The following CLSTN2 variants were observed in gnomAD, a reference collection of about 807,000 sequenced individuals.
The protein encoded by CLSTN2 is calsyntenin-2.
In CLSTN2, 48 loss-of-function variants were observed where a neutral mutation model predicts 101.2. The ratio of observed to expected loss-of-function variants is 0.47; its 90% CI spans 0.38 to 0.60. CLSTN2 has a LOEUF of 0.60. CLSTN2 is among the 20% of genes least tolerant of loss of function. CLSTN2 has a pLI of 0.00. For synonymous variants in CLSTN2, 481 were observed against 463.6 expected (o/e 1.04, Z -0.48); for missense variants, 1,160 against 1,238.2 (o/e 0.94, Z 0.95).
intron 2 of CLSTN2, among the ~76,000 whole-genome samples, chr3:140,374,275 A>G (rs1457626690): frequency 6.6e-6 from 1 of 152,168 alleles, no homozygotes; most frequent in Non-Finnish European, 1.5e-5. Context: ...GTCTCTGCTT[A>G]GGCCTTCTTC....
chr3:140,371,599 A>G (rs1195524703), intron 2 of CLSTN2, among the ~76,000 whole-genome samples: 1 of 152,198 alleles, frequency 6.6e-6, no homozygotes, highest in Non-Finnish European at 1.5e-5. Flanking sequence ...CAGAGCCTCA[A>G]TATCCATTGT....
intron 2 of CLSTN2, among the ~76,000 whole-genome samples, chr3:140,219,889 C>A (rs2086251557): frequency 6.6e-6 from 1 of 152,208 alleles, no homozygotes; most frequent in Non-Finnish European, 1.5e-5. Flanking sequence ...TTACTGAGTA[C>A]TCTCTCTTTT....
At chr3:140,053,836 T>C (rs905756914) in intron 1 of CLSTN2, among the ~76,000 whole-genome samples, 1 of 152,124 alleles carries the variant, frequency 6.6e-6, no homozygotes, top group Non-Finnish European at 1.5e-5. Context: ...TGGAGTGAGA[T>C]GGGTGATGTG....
At chr3:140,349,119 G>T (rs2087581132) in intron 2 of CLSTN2, among the ~76,000 whole-genome samples, 1 of 152,184 alleles carries the variant, frequency 6.6e-6, no homozygotes. Flanking sequence ...TTTATAGGGG[G>T]CTTCTCCCCA....
At chr3:140,564,570 G>T (rs1040554013) in intron 16 of CLSTN2, among the ~76,000 whole-genome samples, 4 of 152,108 alleles carry the variant, frequency 2.6e-5, no homozygotes, top group Non-Finnish European at 5.9e-5. Context: ...CAAAGGCTTG[G>T]AACAGATTAA....
rs78464850 is a variant in CLSTN2 at position 140,184,037 on chromosome 3, G to A, written c.232+7964G>A. On this transcript the variant is annotated intron_variant, in intron 2 of 16. Coordinates refer to ENST00000458420, the MANE Select transcript of CLSTN2 (RefSeq NM_022131.3). ...TTATTGGGCAGCTCTGCTCGTCTGA[G>A]CCAGGCTCAACTGATCTCAGCTGGG... 6.0e-3 allele frequency among the ~76,000 whole-genome samples: 913 copies of A among 152,280 alleles called. 12 individuals carry two copies. The highest frequency in any genetic ancestry group is 0.021 in the African/African-American group (875 of 41,554).
intron 8 of CLSTN2, among the ~76,000 whole-genome samples, chr3:140,500,165 G>C (rs1422947709): frequency 6.6e-6 from 1 of 152,288 alleles, no homozygotes; most frequent in Non-Finnish European, 1.5e-5. Context: ...CAGAAATTCA[G>C]AGTCAGCTTG....
chr3:140,177,723 T>C (rs2010346625), intron 2 of CLSTN2, among the ~76,000 whole-genome samples: 1 of 152,094 alleles, frequency 6.6e-6, no homozygotes, highest in African/African-American at 2.4e-5. Flanking sequence ...ACTCAAGGAA[T>C]TTTAGATGGC....
chr3:140,272,995 G>T (rs1332140954), intron 2 of CLSTN2, among the ~76,000 whole-genome samples: 1 of 152,138 alleles, frequency 6.6e-6, no homozygotes, highest in African/African-American at 2.4e-5. Context: ...GTCACTCAGT[G>T]ATCATTTGAT....
chr3:140,064,612 C>G (rs1167744795), intron 1 of CLSTN2, among the ~76,000 whole-genome samples: 1 of 152,170 alleles, frequency 6.6e-6, no homozygotes, highest in African/African-American at 2.4e-5. Flanking sequence ...AACCCATAGC[C>G]TTAAATACCT....
intron 1 of CLSTN2, among the ~76,000 whole-genome samples, chr3:140,074,013 C>G (rs2107777920): frequency 6.6e-6 from 1 of 152,258 alleles, no homozygotes; most frequent in Non-Finnish European, 1.5e-5. Flanking sequence ...GGCCCAGACA[C>G]AGGTGCTGCT....
chr3:140,468,633 T>C (rs1933765405), intron 8 of CLSTN2, among the ~76,000 whole-genome samples: 1 of 152,206 alleles, frequency 6.6e-6, no homozygotes, highest in Non-Finnish European at 1.5e-5. Context: ...TGGTGGCTAA[T>C]GTGTGGCAAG....
At chr3:140,075,109 G>C (rs146687084) in intron 1 of CLSTN2, among the ~76,000 whole-genome samples, 17 of 152,336 alleles carry the variant, frequency 1.1e-4, no homozygotes, top group African/African-American at 3.6e-4. Context: ...CTCACCAGAA[G>C]TATATCAACT....
chr3:140,440,067 G>A (rs946992692), intron 5 of CLSTN2, among the ~76,000 whole-genome samples: 8 of 152,346 alleles, frequency 5.3e-5, no homozygotes, highest in Admixed American at 4.6e-4. Context: ...AAATTCTCAG[G>A]GAGAGTGGAG....
chr3:140,473,781 A>G (rs1345702002), intron 8 of CLSTN2, among the ~76,000 whole-genome samples: 1 of 151,672 alleles, frequency 6.6e-6, no homozygotes. Context: ...TTTTTGAGAC[A>G]GAGTCTTGCT....
At chr3:140,419,730 C>T (rs548049996) in intron 4 of CLSTN2, among the ~76,000 whole-genome samples, 1 of 61,394 alleles carries the variant, frequency 1.6e-5, no homozygotes, top group East Asian at 6.6e-4. Context: ...TACGTATATA[C>T]ATGTATATAC....
chr3:140,150,624 T>C (rs2009849463), intron 1 of CLSTN2, among the ~76,000 whole-genome samples: 1 of 152,172 alleles, frequency 6.6e-6, no homozygotes, highest in Non-Finnish European at 1.5e-5. Flanking sequence ...CCCATCCATC[T>C]TAGCCCAACT....
chr3:140,488,285 G>T (rs538272070), intron 8 of CLSTN2, among the ~76,000 whole-genome samples: 1 of 152,172 alleles, frequency 6.6e-6, no homozygotes, highest in Non-Finnish European at 1.5e-5. Flanking sequence ...TCATTATGGA[G>T]CAGTCAAAGG....
intron 2 of CLSTN2, among the ~76,000 whole-genome samples, chr3:140,231,053 A>T (rs925157123): frequency 1.3e-5 from 2 of 152,180 alleles, no homozygotes; most frequent in African/African-American, 4.8e-5. Context: ...ATTTCTTCAC[A>T]ATGAAACATC....
Sources: allele counts gnomAD v4.1 joint callset (sites outside exome capture counted in the v4.1 genomes callset), GRCh38; gene constraint gnomAD v4.1.1; transcripts MANE v1.5; gene names NCBI Gene and HGNC (gene_info 2026-07-23, HGNC 2026-07-21).